AFF3: variants seen among roughly 807,000 people sequenced by gnomAD.
The protein encoded by AFF3 is ALF transcription elongation factor 3.
AFF3 carries 32 observed loss-of-function variants against 129.7 expected under a neutral mutation model. The observed-to-expected ratio is 0.25, with a 90% CI of 0.19 to 0.33. The LOEUF is 0.33. AFF3 is among the 10% of genes least tolerant of loss of function. The probability of loss-of-function intolerance (pLI) is 1.00; values close to 1 mark genes in which losing one functional copy is unlikely to be tolerated. For synonymous variants in AFF3, 644 were observed against 635.4 expected (o/e 1.01, Z -0.20); for missense variants, 1,373 against 1,592.0 (o/e 0.86, Z 2.34).
chr2:99,651,974 T>A (rs1052845721), intron 12 of AFF3, among the ~76,000 whole-genome samples: 5 of 152,128 alleles, frequency 3.3e-5, no homozygotes, highest in Non-Finnish European at 7.3e-5. Flanking sequence ...AGGAGCTGGA[T>A]GACCTCGGTA....
At chr2:99,694,182 G>A (rs1336653256) in intron 11 of AFF3, among the ~76,000 whole-genome samples, 1 of 152,154 alleles carries the variant, frequency 6.6e-6, no homozygotes, top group Non-Finnish European at 1.5e-5. Context: ...ACAAGTGTGA[G>A]CCACCGCGTC....
intron 1 of AFF3, among the ~76,000 whole-genome samples, chr2:100,141,118 A>G (rs927188225): frequency 3.9e-5 from 6 of 152,172 alleles, no homozygotes; most frequent in African/African-American, 1.4e-4. Flanking sequence ...ACTATCTACT[A>G]TTGTACTTGT....
chr2:99,622,917 G>T (rs1294218743), intron 13 of AFF3, among the ~76,000 whole-genome samples: 2 of 152,200 alleles, frequency 1.3e-5, no homozygotes, highest in Non-Finnish European at 2.9e-5. Context: ...GGAAGCTCTG[G>T]TTCATGTCTT....
At chr2:99,680,181 CTAAAAGAA>C (rs958686817) in intron 11 of AFF3, among the ~76,000 whole-genome samples, 36 of 152,282 alleles carry the variant, frequency 2.4e-4, no homozygotes, top group African/African-American at 8.4e-4. Context: ...TTGCTTCCTC[CTAAAAGAA>C]TTACAGGGAA....
chr2:99,784,656 A>C (rs1182708298), intron 8 of AFF3, among the ~76,000 whole-genome samples: 10 of 152,216 alleles, frequency 6.6e-5, no homozygotes. Context: ...TCGGCATTTG[A>C]GAGAAGAAGC....
chr2:99,559,010 C>T lies in AFF3; in HGVS notation c.3192-42G>A, dbSNP rs371261965. The stretch of plus-strand genomic sequence containing the variant: ...AAACAGGCCCAGAAGCGGCTGAGTG[C>T]GTCGTGCGCAAACAAGACTTAAACA... On this transcript the variant is annotated intron_variant, in intron 21 of 24. Transcript: ENST00000672756. 170 of 1,569,848 alleles carry T rather than the reference C, an allele frequency of 1.1e-4. No homozygotes were observed. The African/African-American group carries it at 2.0e-3, about 19-fold the overall frequency.
intron 4 of AFF3, among the ~76,000 whole-genome samples, chr2:100,061,865 G>GC (rs1559097229): frequency 1.3e-5 from 2 of 150,314 alleles, no homozygotes; most frequent in African/African-American, 4.9e-5. Context: ...GGAGGGGGGG[G>GC]GGGTGCCGAC....
At chr2:99,915,710 T>C (rs1253124954) in intron 7 of AFF3, among the ~76,000 whole-genome samples, 1 of 152,254 alleles carries the variant, frequency 6.6e-6, no homozygotes, top group South Asian at 2.1e-4. Flanking sequence ...CTATTTCTTT[T>C]ACTTCTTTCA....
At chr2:100,053,045 C>A (rs1178497522) in intron 4 of AFF3, among the ~76,000 whole-genome samples, 1 of 152,220 alleles carries the variant, frequency 6.6e-6, no homozygotes, top group Non-Finnish European at 1.5e-5. Context: ...AGAGTTTACT[C>A]TGCATAGCTT....
chr2:100,078,382 T>C (rs1365354799), intron 4 of AFF3, among the ~76,000 whole-genome samples: 8 of 152,230 alleles, frequency 5.3e-5, no homozygotes, highest in Non-Finnish European at 1.0e-4. Context: ...TTTTTATTTA[T>C]TTATTTTTTT....
intron 11 of AFF3, among the ~76,000 whole-genome samples, chr2:99,686,402 C>T (rs1260593742): frequency 1.3e-5 from 2 of 152,194 alleles, no homozygotes; most frequent in African/African-American, 2.4e-5. Context: ...GACTCATACT[C>T]CCATGTAGAC....
intron 4 of AFF3, among the ~76,000 whole-genome samples, chr2:100,010,955 G>A (rs1199140698): frequency 6.6e-6 from 1 of 152,136 alleles, no homozygotes; most frequent in East Asian, 1.9e-4. Flanking sequence ...TCTAGCTTTT[G>A]GAACAATATT....
intron 8 of AFF3, among the ~76,000 whole-genome samples, chr2:99,757,486 T>C (rs1046752638): frequency 2.0e-5 from 3 of 152,322 alleles, no homozygotes; most frequent in Non-Finnish European, 2.9e-5. Flanking sequence ...ATTTAAAATA[T>C]ATTATGCACG....
intron 4 of AFF3, among the ~76,000 whole-genome samples, chr2:100,018,203 C>T (rs927953060): frequency 2.0e-5 from 3 of 151,920 alleles, no homozygotes; most frequent in African/African-American, 4.8e-5. Context: ...CCCATTTTAC[C>T]GATTTTTTAG....
At chr2:99,615,632 G>T (rs1267219043) in intron 13 of AFF3, among the ~76,000 whole-genome samples, 1 of 152,264 alleles carries the variant, frequency 6.6e-6, no homozygotes, top group African/African-American at 2.4e-5. Context: ...CGTGGATGGA[G>T]TGACTGCCAT....
intron 2 of AFF3, among the ~76,000 whole-genome samples, chr2:100,117,042 T>A (rs908238151): frequency 6.6e-6 from 1 of 152,192 alleles, no homozygotes; most frequent in Non-Finnish European, 1.5e-5. Context: ...CCCTTTTTCC[T>A]CTGTCTGCTT....
intron 9 of AFF3, 75 bp from the exon 10 acceptor site, chr2:99,744,215 T>A: frequency 7.4e-7 from 1 of 1,344,018 alleles, no homozygotes; most frequent in Non-Finnish European, 1.1e-6. Flanking sequence ...AGATCATGTT[T>A]AAAACTGGTC....
At position 99,793,226 on chromosome 2, in the gene AFF3, C is replaced by T. The variant is rs550962639; in HGVS notation, c.922-40925G>A. Among the ~76,000 whole-genome samples, 6 of 152,290 alleles carry T rather than the reference C, an allele frequency of 3.9e-5. No homozygotes were observed. The East Asian group carries it at 1.2e-3, about 29-fold the overall frequency. On this transcript the variant is annotated intron_variant, in intron 8 of 24. Transcript: ENST00000672756. ...ATGGCACTTCCTTTTTCTCCAGCTCCCTCTCAATGTGACACGCCTGCTCCC... is the reference window on the plus strand; with the variant it reads ...ATGGCACTTCCTTTTTCTCCAGCTCTCTCTCAATGTGACACGCCTGCTCCC...
intron 11 of AFF3, among the ~76,000 whole-genome samples, chr2:99,674,015 AC>A (rs1450254238): frequency 6.6e-6 from 1 of 152,004 alleles, no homozygotes; most frequent in Non-Finnish European, 1.5e-5. Flanking sequence ...AAGGAGAAAA[AC>A]CCTTCTATTT....
Sources: allele counts gnomAD v4.1 joint callset (sites outside exome capture counted in the v4.1 genomes callset), GRCh38; gene constraint gnomAD v4.1.1; transcripts MANE v1.5; gene names NCBI Gene and HGNC (gene_info 2026-07-23, HGNC 2026-07-21).